The following GSG1L variants were observed in gnomAD, a reference collection of about 807,000 sequenced individuals.
GSG1L encodes germ cell-specific gene 1-like protein.
Under a neutral mutation model 42.1 loss-of-function variants are expected in GSG1L, and 24 were observed. The ratio of observed to expected loss-of-function variants is 0.57; its 90% CI spans 0.41 to 0.80. GSG1L has a LOEUF of 0.80. Ranked by LOEUF, GSG1L falls within the 30% of genes least tolerant of loss-of-function variation. The pLI is 0.00. For missense variants in GSG1L, 445 were observed against 472.2 expected, an observed-to-expected ratio of 0.94 and a Z score of 0.53; for synonymous variants, 215 against 203.5, an observed-to-expected ratio of 1.06 and a Z score of -0.48.
intron 1 of GSG1L, among the ~76,000 whole-genome samples, chr16:28,053,238 C>T (rs2086238815): frequency 6.6e-6 from 1 of 152,260 alleles, no homozygotes; most frequent in South Asian, 2.1e-4. Flanking sequence ...GGAGAAGCTG[C>T]TTCCCACATG....
At chr16:27,888,994 AT>A (rs60366966) in intron 2 of GSG1L, among the ~76,000 whole-genome samples, 1 of 151,096 alleles carries the variant, frequency 6.6e-6, no homozygotes, top group East Asian at 2.0e-4. Context: ...AGATATATAG[AT>A]TTTTTTTGAG....
chr16:27,951,775 A>T (rs1305391033), intron 2 of GSG1L, among the ~76,000 whole-genome samples: 1 of 152,170 alleles, frequency 6.6e-6, no homozygotes, highest in African/African-American at 2.4e-5. Context: ...GACATAAATC[A>T]ATAAAAAGCA....
chr16:27,907,953 G>A (rs7201757), intron 2 of GSG1L, among the ~76,000 whole-genome samples: 2 of 151,426 alleles, frequency 1.3e-5, no homozygotes, highest in Admixed American at 6.6e-5. Context: ...GCTTCCCCAC[G>A]CCCCACCCTC....
chr16:27,991,301 C>T (rs1483771703), intron 1 of GSG1L, among the ~76,000 whole-genome samples: 1 of 150,338 alleles, frequency 6.7e-6, no homozygotes, highest in Non-Finnish European at 1.5e-5. Flanking sequence ...TTTTAGTTTG[C>T]TCCCTGATAG....
chr16:27,898,791 G>A (rs2084222770), intron 2 of GSG1L, among the ~76,000 whole-genome samples: 3 of 151,546 alleles, frequency 2.0e-5, no homozygotes, highest in Non-Finnish European at 2.9e-5. Flanking sequence ...ATTTGAATTA[G>A]ATGTCATGCC....
intron 2 of GSG1L, among the ~76,000 whole-genome samples, chr16:27,950,561 C>T (rs1303588199): frequency 6.6e-6 from 1 of 152,046 alleles, no homozygotes; most frequent in Admixed American, 6.6e-5. Context: ...AGGTGTGTTT[C>T]TCAAGCAAAT....
rs560268082 is a variant in GSG1L at position 28,021,549 on chromosome 16, A to T, written c.349+41527T>A. Among the ~76,000 whole-genome samples the T allele has an allele frequency of 1.9e-4, 29 of 152,216 alleles. No individual in the cohort carries two copies. The South Asian group carries it at 6.0e-3, about 32-fold the overall frequency. On this transcript the variant is annotated intron_variant, in intron 1 of 6. Coordinates refer to ENST00000447459, the MANE Select transcript of GSG1L (RefSeq NM_001109763.2). ...TCCGTCTTCCCAGGAACTCCAGCAA[A>T]TAGGTCTTATTTTTTCCATTTTATT...
At chr16:27,915,014 C>T (rs2084436228) in intron 2 of GSG1L, among the ~76,000 whole-genome samples, 1 of 152,038 alleles carries the variant, frequency 6.6e-6, no homozygotes, top group African/African-American at 2.4e-5. Flanking sequence ...GCTGTGATTC[C>T]AAATGGGTTT....
chr16:27,850,532 A>C, intron 3 of GSG1L: 1 of 455,870 alleles, frequency 2.2e-6, no homozygotes, highest in South Asian at 1.5e-5. Flanking sequence ...TGAAGCCAAC[A>C]TCTGATATTA....
At chr16:27,889,664 A>G (rs367995078) in intron 2 of GSG1L, among the ~76,000 whole-genome samples, 1 of 152,108 alleles carries the variant, frequency 6.6e-6, no homozygotes, top group East Asian at 1.9e-4. Context: ...GGCTAAGACA[A>G]CTCTGAGCTG....
chr16:27,929,318 T>C (rs2084631003), intron 2 of GSG1L, among the ~76,000 whole-genome samples: 1 of 152,194 alleles, frequency 6.6e-6, no homozygotes, highest in South Asian at 2.1e-4. Context: ...GTCTTGCTCC[T>C]AGACCCGGGG....
intron 2 of GSG1L, among the ~76,000 whole-genome samples, chr16:27,926,339 C>G (rs970625982): frequency 1.3e-5 from 2 of 152,152 alleles, no homozygotes; most frequent in Admixed American, 1.3e-4. Context: ...TTGCAAAACT[C>G]ATGGACAGTC....
At chr16:27,930,751 G>T (rs1158110758) in intron 2 of GSG1L, among the ~76,000 whole-genome samples, 1 of 152,148 alleles carries the variant, frequency 6.6e-6, no homozygotes, top group African/African-American at 2.4e-5. Context: ...AAGAGACAGG[G>T]TCTTATTCTG....
At chr16:27,949,470 A>G (rs2084926896) in intron 2 of GSG1L, among the ~76,000 whole-genome samples, 1 of 152,228 alleles carries the variant, frequency 6.6e-6, no homozygotes, top group African/African-American at 2.4e-5. Context: ...TTCTCAAGAC[A>G]GTAACCAAGT....
At chr16:27,866,372 T>C (rs1456957111) in intron 3 of GSG1L, among the ~76,000 whole-genome samples, 1 of 152,170 alleles carries the variant, frequency 6.6e-6, no homozygotes, top group Non-Finnish European at 1.5e-5. Flanking sequence ...TGCTGGGCAC[T>C]TTATATGTGC....
chr16:27,940,624 A>G (rs1322194976), intron 2 of GSG1L, among the ~76,000 whole-genome samples: 5 of 95,462 alleles, frequency 5.2e-5, no homozygotes, highest in Non-Finnish European at 9.4e-5. Flanking sequence ...AACACCGCAT[A>G]TTCTCACTCA....
At chr16:27,907,059 ACTG>A (rs1287767796) in intron 2 of GSG1L, among the ~76,000 whole-genome samples, 3 of 152,320 alleles carry the variant, frequency 2.0e-5, no homozygotes, top group African/African-American at 7.2e-5. Flanking sequence ...CTCAGAGTCT[ACTG>A]TGATTGGTTA....
At chr16:27,847,170 T>A (rs1385915247) in intron 3 of GSG1L, among the ~76,000 whole-genome samples, 1 of 152,176 alleles carries the variant, frequency 6.6e-6, no homozygotes. Context: ...CTGCCGTGAT[T>A]ACTTCCTGGC....
intron 6 of GSG1L, among the ~76,000 whole-genome samples, chr16:27,793,213 A>C (rs1166985461): frequency 6.6e-6 from 1 of 152,110 alleles, no homozygotes; most frequent in Non-Finnish European, 1.5e-5. Context: ...TTCTAATAAC[A>C]AGGCTGCAAG....
Sources: gnomAD v4.1 joint callset for allele counts (sites outside exome capture counted in the v4.1 genomes callset) on GRCh38, gnomAD v4.1.1 for gene constraint, MANE v1.5 for transcripts, NCBI Gene and HGNC (gene_info 2026-07-23, HGNC 2026-07-21) for gene names.